NAB2: variants seen among roughly 807,000 people sequenced by gnomAD.
The protein encoded by NAB2 is NGFI-A binding protein 2, also known as NGFI-A-binding protein 2.
In NAB2, 9 loss-of-function variants were observed where a neutral mutation model predicts 44.2. The ratio of observed to expected loss-of-function variants is 0.20; its 90% CI spans 0.12 to 0.36. NAB2 has a LOEUF of 0.36. NAB2 is among the 10% of genes least tolerant of loss of function. The pLI is 1.00. For synonymous variants in NAB2, 342 were observed against 291.0 expected, an observed-to-expected ratio of 1.18 and a Z score of -1.78; for missense variants, 514 against 709.0, an observed-to-expected ratio of 0.73 and a Z score of 3.12.
chr12:57,094,509 GA>G, intron 6 of NAB2, 102 bp from the exon 7 acceptor site: 2 of 911,132 alleles, frequency 2.2e-6, no homozygotes, highest in Non-Finnish European at 3.5e-6. Flanking sequence ...AACCTAAACT[GA>G]GCCCATCTTC....
chr12:57,093,029 C>T lies in NAB2; in HGVS notation c.1144-34C>T, dbSNP rs767580770. 10 of 1,614,010 alleles carry T rather than the reference C, an allele frequency of 6.2e-6. No homozygotes were observed. The Admixed American group carries it at 8.3e-5, about 13-fold the overall frequency. On this transcript the variant is annotated intron_variant, in intron 4 of 6. Coordinates refer to ENST00000300131, the MANE Select transcript of NAB2 (RefSeq NM_005967.4). ...AGCCTTCCCCAATCCCCTCCCTTGG[C>T]AGGTCTTCATTTCCCCATGTTGGGC...
At position 57,089,299 on chromosome 12, in the gene NAB2, G is replaced by A; in HGVS notation, c.28G>A (p.Glu10Lys). MHRAPSPTA[E>K]QPPGGGDSAR... is the part of the protein sequence containing the mutation. Reference sequence around the variant, plus strand: ...GCACAGAGCGCCTTCCCCCACAGCCGAGCAGCCGCCGGGCGGAGGGGACAG... The same window carrying A: ...GCACAGAGCGCCTTCCCCCACAGCCAAGCAGCCGCCGGGCGGAGGGGACAG... The change falls in exon 1 of 7, where the codon GAG (glutamate) becomes AAG (lysine). Residue 10 changes from glutamate to lysine, a missense_variant. Transcript: ENST00000300131. 1.9e-6 allele frequency: 3 copies of A among 1,578,640 alleles called. No individual in the cohort carries two copies. Among genetic ancestry groups the A allele is most frequent in the Non-Finnish European group, 1.7e-6 (2 of 1,162,698 alleles).
chr12:57,092,102 A>C (rs2033202366), intron 2 of NAB2, 104 bp downstream of exon 2: 1 of 1,470,568 alleles, frequency 6.8e-7, no homozygotes, highest in Non-Finnish European at 9.0e-7. Context: ...TTATCTCTTG[A>C]CCAGGACCCC....
At position 57,089,190 on chromosome 12, in the gene NAB2, G is replaced by A; in HGVS notation, c.-82G>A. On this transcript the variant is annotated 5_prime_UTR_variant, in exon 1 of 7. In the 5' UTR this introduces an upstream ATG that the reference lacks. Transcript: ENST00000300131. ...CCTGGACAGCGGTGGACACGGCATCGTGCGCGGGGAAGAGGGCAGCACGCA... is the reference window on the plus strand; with the variant it reads ...CCTGGACAGCGGTGGACACGGCATCATGCGCGGGGAAGAGGGCAGCACGCA... 3 of 1,405,132 alleles carry A rather than the reference G, an allele frequency of 2.1e-6. No individual in the cohort carries two copies. Among genetic ancestry groups the A allele is most frequent in the Admixed American group, 4.1e-5 (2 of 49,324 alleles). 87.0% of individuals were successfully genotyped at this position (1,405,132 alleles called of 1,614,324 possible). A position where few individuals can be genotyped will look rare whatever the true frequency, so the allele number is the denominator to read the frequency against.
Position 57,093,120 on chromosome 12 carries a change from G to A in NAB2, c.1201G>A (p.Val401Ile), listed in dbSNP as rs1406091664. ...QQPPPGPESY[V>I]PPYRPSLEED... ...GCCTCCCCCAGGCCCTGAGTCCTAT[G>A]TACCCCCATACCGCCCCAGCCTGGA... The change falls in exon 5 of 7, where the codon GTA becomes ATA. Residue 401 changes from valine (V) to isoleucine (I), a missense_variant. Physicochemically the swap from Val to Ile is conservative, Grantham distance 29. Around this residue, in one of 5 missense-constraint regions of NAB2, gnomAD observed 194 missense variants for 223.9 expected, o/e 0.87. Transcript: ENST00000300131. 1 of 1,613,648 alleles carries A rather than the reference G, an allele frequency of 6.2e-7. No individual in the cohort carries two copies.
Position 57,091,448 on chromosome 12 carries a change from C to A in NAB2, c.407C>A (p.Thr136Asn). The A allele has an allele frequency of 6.2e-7, 1 of 1,614,170 alleles. No homozygotes were observed. Among genetic ancestry groups the A allele is most frequent in the Non-Finnish European group, 8.5e-7 (1 of 1,180,040 alleles). The stretch of plus-strand genomic sequence containing the variant: ...TTCAAGATCTCTGAGACTGCGGGTA[C>A]CCGGAAAGGGAGCATGAGCAATGGG... ...PLFKISETAG[T>N]RKGSMSNGHG... Residue 136 changes from threonine to asparagine, a missense_variant, in exon 2 of 7, where the codon ACC becomes AAC. Transcript: ENST00000300131. The surrounding 1 kb of genome is among the most constrained non-coding windows in gnomAD (Gnocchi z 7.3).
chr12:57,092,255 C>T, intron 2 of NAB2, 193 bp from the exon 3 acceptor site: 1 of 1,014,514 alleles, frequency 9.9e-7, no homozygotes, highest in South Asian at 1.7e-5. Context: ...GGAGGAGGCC[C>T]CGGGCATTCC....
intron 2 of NAB2, chr12:57,092,216 C>T: frequency 9.8e-7 from 1 of 1,024,310 alleles, no homozygotes; most frequent in Non-Finnish European, 1.4e-6. Context: ...AGCTGTTCAG[C>T]TCCTTGTCAC....
rs2033235286 is a variant in NAB2 at position 57,093,257 on chromosome 12, G to A, written c.1276+62G>A. On this transcript the variant is annotated intron_variant, in intron 5 of 6. Coordinates refer to ENST00000300131, the MANE Select transcript of NAB2 (RefSeq NM_005967.4). ...GGTGGGGGAGTAGGGGAGGGGGTTG[G>A]GGGAGGAGTGAGCCAGGAGGCAGTG... 3.3e-6 allele frequency: 5 copies of A among 1,518,048 alleles called. No homozygotes were observed. In the East Asian group the frequency reaches 6.8e-5, roughly 21 times the overall value. The allele number at this position is 1,518,048 out of a possible 1,614,324, so 94.0% of individuals were successfully genotyped here. A position where few individuals can be genotyped will look rare whatever the true frequency, so the allele number is the denominator to read the frequency against.
intron 3 of NAB2, 116 bp downstream of exon 3, chr12:57,092,697 G>C (rs1053828604): frequency 2.1e-6 from 3 of 1,429,592 alleles, no homozygotes; most frequent in Admixed American, 4.3e-5. Context: ...TGGATGTCCT[G>C]CTTTTGGCCA....
chr12:57,094,162 G>A (rs2033274705), intron 6 of NAB2, among the ~76,000 whole-genome samples: 1 of 151,728 alleles, frequency 6.6e-6, no homozygotes, highest in East Asian at 1.9e-4. Flanking sequence ...TCTTCTTGAG[G>A]GAGGAGCTCG....
At position 57,093,451 on chromosome 12, in the gene NAB2, C is replaced by T; in HGVS notation, c.1321C>T (p.Pro441Ser). 1.9e-6 allele frequency: 3 copies of T among 1,600,934 alleles called. No individual in the cohort carries two copies. Among genetic ancestry groups the T allele is most frequent in the South Asian group, 1.1e-5 (1 of 88,822 alleles). The part of the protein sequence containing the change: ...PRLTPPPADL[P>S]LALPAHGLWS... ...GCTGACGCCGCCCCCTGCTGACCTG[C>T]CTCTGGCATTGCCAGCCCATGGGCT... The change falls in exon 6 of 7, where the codon CCT (proline) becomes TCT (serine). Residue 441 changes from proline (P) to serine (S), a missense_variant. By Grantham distance (74) the Pro-to-Ser change is moderately conservative. This residue lies in a region of NAB2 where 194 missense variants were observed against 223.9 expected (regional missense o/e 0.87). Coordinates refer to ENST00000300131, the MANE Select transcript of NAB2 (RefSeq NM_005967.4).
intron 6 of NAB2, among the ~76,000 whole-genome samples, chr12:57,093,974 G>A (rs980321829): frequency 2.0e-5 from 3 of 152,154 alleles, no homozygotes; most frequent in African/African-American, 7.2e-5. Context: ...CAGCTTGGAA[G>A]CAGAGGAGCC....
At chr12:57,093,735 C>A in intron 6 of NAB2, 137 bp downstream of exon 6, 1 of 962,514 alleles carries the variant, frequency 1.0e-6, no homozygotes, top group Non-Finnish European at 1.5e-6. Flanking sequence ...GGGCTCCAGC[C>A]AGCCAGGCCT....
intron 2 of NAB2, 147 bp from the exon 3 acceptor site, chr12:57,092,301 C>T (rs1299093744): frequency 4.0e-6 from 5 of 1,253,446 alleles, no homozygotes; most frequent in Non-Finnish European, 5.5e-6. Context: ...GTCTTCCCAC[C>T]TCAGAAAGCT....
chr12:57,091,405 G>A lies in NAB2; in HGVS notation c.364G>A (p.Val122Ile). The A allele has an allele frequency of 1.2e-6, 2 of 1,614,206 alleles. No homozygotes were observed. Among genetic ancestry groups the A allele is most frequent in the South Asian group, 1.1e-5 (1 of 91,086 alleles). ...LFSQPVPAVP[V>I]SSIPLFKISE... ...CAGTCAACCAGTGCCTGCTGTTCCC[G>A]TCTCCAGCATCCCGCTCTTCAAGAT... The change falls in exon 2 of 7, where the codon GTC becomes ATC. Residue 122 changes from valine to isoleucine, a missense_variant. Val to Ile is a conservative substitution (Grantham distance 29, BLOSUM62 3). Transcript: ENST00000300131. The surrounding 1 kb of genome is among the most constrained non-coding windows in gnomAD (Gnocchi z 7.3).
rs1225562667 is a variant in NAB2 at position 57,093,575 on chromosome 12, T to G, written c.1445T>G (p.Val482Gly). The G allele has an allele frequency of 6.6e-7, 1 of 1,525,716 alleles. No individual in the cohort carries two copies. The highest frequency in any genetic ancestry group is 1.2e-5 in the South Asian group (1 of 80,834). The allele number at this position is 1,525,716 out of a possible 1,614,324, so 94.5% of individuals were successfully genotyped here. ...CGCGTGGGCCGCCTCAGCCCCTGTG[T>G]GCCTGCGAAGCCACCTCTCGCAGGT... The part of the protein sequence containing the change: ...HDRVGRLSPC[V>G]PAKPPLAEFE... Residue 482 changes from valine to glycine, a missense_variant, in exon 6 of 7, where the codon GTG becomes GGG. Coordinates refer to ENST00000300131, the MANE Select transcript of NAB2 (RefSeq NM_005967.4).
At position 57,091,665 on chromosome 12, in the gene NAB2, C is replaced by T; in HGVS notation, c.624C>T (p.Phe208=). 6.2e-7 allele frequency: 1 copy of T among 1,609,738 alleles called. No homozygotes were observed. Among genetic ancestry groups the T allele is most frequent in the Non-Finnish European group, 8.5e-7 (1 of 1,177,724 alleles). The change falls in exon 2 of 7, where the codon TTC becomes TTT. Residue 208 remains phenylalanine, a synonymous_variant. Coordinates refer to ENST00000300131, the MANE Select transcript of NAB2 (RefSeq NM_005967.4). The surrounding 1 kb of genome is among the most constrained non-coding windows in gnomAD (Gnocchi z 7.3). ...AAGAGGAGGCTGGCTCGCCCCCCTTCTCCCCCCCTGCAGGGGGAGGAGTCC... is the reference window on the plus strand; with the variant it reads ...AAGAGGAGGCTGGCTCGCCCCCCTTTTCCCCCCCTGCAGGGGGAGGAGTCC... ...GGEEEAGSPP[F]SPPAGGGVPE...
chr12:57,094,861 A>G lies in NAB2; in HGVS notation c.*140A>G. 2 of 673,674 alleles carry G rather than the reference A, an allele frequency of 3.0e-6. No individual in the cohort carries two copies. Among genetic ancestry groups the G allele is most frequent in the South Asian group, 3.8e-5 (2 of 52,976 alleles). 41.7% of individuals were successfully genotyped at this position (673,674 alleles called of 1,614,324 possible). A position where few individuals can be genotyped will look rare whatever the true frequency, so the allele number is the denominator to read the frequency against. On this transcript the variant is annotated 3_prime_UTR_variant, in exon 7 of 7. Transcript: ENST00000300131. ...CTGCCTCCCCACCTGCTCCATGGGC[A>G]TAAGACTGTGGGGCTTCAAGCAATA...
Sources: gnomAD v4.1 joint callset for allele counts (sites outside exome capture counted in the v4.1 genomes callset) on GRCh38, gnomAD v4.1.1 for gene constraint, gnomAD v4.1.1 regional missense constraint, Gnocchi (gnomAD v3.1) non-coding constraint, MANE v1.5 for transcripts, NCBI Gene and HGNC (gene_info 2026-07-23, HGNC 2026-07-21) for gene names.